The following LRRFIP1 variants were observed in gnomAD, a reference collection of about 807,000 sequenced individuals.
LRRFIP1 encodes the protein LRR binding FLII interacting protein 1.
Under a neutral mutation model 104.4 loss-of-function variants are expected in LRRFIP1, and 62 were observed. The observed-to-expected ratio is 0.59, with a 90% CI of 0.48 to 0.73. The LOEUF is 0.73. LRRFIP1 is among the 30% of genes least tolerant of loss of function. The probability of loss-of-function intolerance (pLI) is 0.00; values close to 1 mark genes in which losing one functional copy is unlikely to be tolerated. For synonymous variants in LRRFIP1, 300 were observed against 299.0 expected, an observed-to-expected ratio of 1.00 and a Z score of -0.03; for missense variants, 796 against 824.5, an observed-to-expected ratio of 0.97 and a Z score of 0.42.
chr2:237,634,952 C>A (rs528865080), intron 1 of LRRFIP1, among the ~76,000 whole-genome samples: 4 of 152,214 alleles, frequency 2.6e-5, no homozygotes, highest in African/African-American at 9.7e-5. Context: ...CCTCTAGATC[C>A]AGTCTGGTCT....
intron 15 of LRRFIP1, among the ~76,000 whole-genome samples, chr2:237,754,572 T>C (rs1163610917): frequency 6.6e-6 from 1 of 152,260 alleles, no homozygotes; most frequent in East Asian, 1.9e-4. Context: ...AGTGTCGTTG[T>C]TGTTGTTGTT....
chr2:237,660,980 T>C (rs1029012299), intron 1 of LRRFIP1, among the ~76,000 whole-genome samples: 1 of 151,988 alleles, frequency 6.6e-6, no homozygotes, highest in African/African-American at 2.4e-5. Context: ...AGCTCTCGGA[T>C]CTCCTCTTGT....
At chr2:237,770,022 C>A in intron 20 of LRRFIP1, 30 bp downstream of exon 20, 1 of 1,573,718 alleles carries the variant, frequency 6.4e-7, no homozygotes, top group South Asian at 1.1e-5. Context: ...TTTACCGGTT[C>A]ATGAACAGGG....
chr2:237,751,474 T>C (rs561882091), intron 14 of LRRFIP1, among the ~76,000 whole-genome samples: 50 of 152,332 alleles, frequency 3.3e-4, no homozygotes, highest in African/African-American at 1.2e-3. Flanking sequence ...AGATTGAAAA[T>C]GTAACTGCCC....
chr2:237,747,977 C>T (rs555996205), intron 11 of LRRFIP1, among the ~76,000 whole-genome samples: 2 of 152,282 alleles, frequency 1.3e-5, no homozygotes, highest in East Asian at 3.9e-4. Context: ...GATGCTGAGC[C>T]GAGAAAGAAG....
intron 1 of LRRFIP1, among the ~76,000 whole-genome samples, chr2:237,681,539 G>A (rs1020685057): frequency 2.0e-5 from 3 of 151,686 alleles, no homozygotes; most frequent in African/African-American, 7.3e-5. Context: ...TCTAATTTTT[G>A]CATTTTTAGT....
At position 237,703,926 on chromosome 2, in the gene LRRFIP1, G is replaced by A. The variant is rs2093671178; in HGVS notation, c.97-4618G>A. 6.6e-6 allele frequency among the ~76,000 whole-genome samples: 1 copy of A among 152,242 alleles called. No individual in the cohort carries two copies. The highest frequency in any genetic ancestry group is 1.9e-4 in the East Asian group (1 of 5,162). ...GAAGCTCTTCAAGCAGTCTGACGTG[G>A]CTGTGGCCCGTCATGAGATTTTATA... On this transcript the variant is annotated intron_variant, in intron 1 of 23. Coordinates refer to ENST00000308482, the MANE Select transcript of LRRFIP1 (RefSeq NM_001137550.2). This position sits in a 1 kb window ranked among gnomAD's most constrained non-coding sequence, Gnocchi z 4.3.
rs996751060 is a variant in LRRFIP1 at position 237,717,918 on chromosome 2, A to G, written c.249+109A>G. On this transcript the variant is annotated intron_variant, in intron 4 of 23. Coordinates refer to ENST00000308482, the MANE Select transcript of LRRFIP1 (RefSeq NM_001137550.2). This position sits in a 1 kb window ranked among gnomAD's most constrained non-coding sequence, Gnocchi z 4.2. ...TCTTACGCAGTTTAACTATGTAGAT[A>G]GATTCCTATTGCACCATAATTTAAT... 1.1e-6 allele frequency: 1 copy of G among 878,994 alleles called. No homozygotes were observed. The highest frequency in any genetic ancestry group is 1.7e-5 in the African/African-American group (1 of 60,554). The allele number at this position is 878,994 out of a possible 1,614,324, so 54.4% of individuals were successfully genotyped here. A position where few individuals can be genotyped will look rare whatever the true frequency, so the allele number is the denominator to read the frequency against.
chr2:237,777,114 C>T (rs1008753416), intron 23 of LRRFIP1, among the ~76,000 whole-genome samples: 1 of 152,130 alleles, frequency 6.6e-6, no homozygotes, highest in East Asian at 1.9e-4. Flanking sequence ...TTAGCTTCAC[C>T]CTCCTGCCTG....
rs2094095720 is a variant in LRRFIP1, at chr2:237,711,619, C to T, written c.184-2640C>T. Among the ~76,000 whole-genome samples, 1 of 152,168 alleles carries T rather than the reference C, an allele frequency of 6.6e-6. No homozygotes were observed. Among genetic ancestry groups the T allele is most frequent in the Non-Finnish European group, 1.5e-5 (1 of 68,014 alleles). On this transcript the variant is annotated intron_variant, in intron 2 of 23. Transcript: ENST00000308482. The surrounding 1 kb of genome is among the most constrained non-coding windows in gnomAD (Gnocchi z 4.4). ...TGTGACACAGGGCGGGCGTCGTGGG[C>T]GCGGCTGTGGACTCCTGCCTGGGGT...
chr2:237,663,609 C>T (rs1034573121), intron 1 of LRRFIP1, among the ~76,000 whole-genome samples: 1 of 152,246 alleles, frequency 6.6e-6, no homozygotes, highest in Non-Finnish European at 1.5e-5. Context: ...CTATGCCCTT[C>T]TGCTACAGCA....
chr2:237,755,946 A>G, intron 15 of LRRFIP1, 149 bp from the exon 16 acceptor site: 1 of 468,224 alleles, frequency 2.1e-6, no homozygotes, highest in Non-Finnish European at 3.8e-6. Flanking sequence ...AAAAATATAT[A>G]AATAAAAAAT....
intron 1 of LRRFIP1, 69 bp from the exon 2 acceptor site, chr2:237,708,475 C>A: frequency 1.7e-6 from 2 of 1,165,564 alleles, no homozygotes; most frequent in South Asian, 1.6e-5. Context: ...TCCGCATCAT[C>A]ACTGCTGACC....
intron 20 of LRRFIP1, among the ~76,000 whole-genome samples, chr2:237,771,570 A>G (rs12467211): frequency 2.0e-4 from 1 of 5,106 alleles, no homozygotes; most frequent in Non-Finnish European, 5.6e-4. Context: ...CCCCCCGCCC[A>G]GATACCAAGG....
At chr2:237,764,198 T>C in intron 19 of LRRFIP1, 4 of 1,613,834 alleles carry the variant, frequency 2.5e-6, no homozygotes, top group Non-Finnish European at 3.4e-6. Context: ...GGGTCTTTTC[T>C]CTCCACTGCC....
intron 1 of LRRFIP1, among the ~76,000 whole-genome samples, chr2:237,662,207 C>A (rs762455180): frequency 6.6e-6 from 1 of 152,136 alleles, no homozygotes; most frequent in Non-Finnish European, 1.5e-5. Context: ...CACGTGGCCC[C>A]CTCCCTGGGT....
At chr2:237,719,446 ACTAC>A in intron 4 of LRRFIP1, 73 bp from the exon 5 acceptor site, 1 of 918,740 alleles carries the variant, frequency 1.1e-6, no homozygotes, top group South Asian at 1.3e-5. Context: ...GTGCAGTGGG[ACTAC>A]CTAAGCTTTT....
intron 1 of LRRFIP1, among the ~76,000 whole-genome samples, chr2:237,685,859 G>A (rs187337712): frequency 5.9e-4 from 90 of 152,284 alleles, no homozygotes; most frequent in African/African-American, 1.9e-3. Context: ...CAAGGCTGCC[G>A]TCTACCATTT....
intron 1 of LRRFIP1, among the ~76,000 whole-genome samples, chr2:237,652,202 T>C (rs2086054252): frequency 6.6e-6 from 1 of 152,256 alleles, no homozygotes; most frequent in African/African-American, 2.4e-5. Flanking sequence ...GCACCTTACC[T>C]TTCAAGTTCC....
Sources: allele counts gnomAD v4.1 joint callset (sites outside exome capture counted in the v4.1 genomes callset), GRCh38; gene constraint gnomAD v4.1.1; non-coding constraint Gnocchi (gnomAD v3.1); transcripts MANE v1.5; gene names NCBI Gene and HGNC (gene_info 2026-07-23, HGNC 2026-07-21).